MKNK2: variants seen among roughly 807,000 people sequenced by gnomAD.
MKNK2 encodes MAPK interacting serine/threonine kinase 2, also known as MAP kinase-interacting serine/threonine-protein kinase 2.
Under a neutral mutation model 55.0 loss-of-function variants are expected in MKNK2, and 54 were observed. The observed-to-expected ratio is 0.98, with a 90% CI of 0.79 to 1.23. The LOEUF is 1.23. Ranked by LOEUF, MKNK2 falls within the 50% of genes most tolerant of loss-of-function variation. The pLI, the probability that MKNK2 is intolerant of heterozygous loss-of-function variation, is 0.00. For synonymous variants in MKNK2, 323 were observed against 256.0 expected, an observed-to-expected ratio of 1.26 and a Z score of -2.50; for missense variants, 685 against 632.1, an observed-to-expected ratio of 1.08 and a Z score of -0.90.
At chr19:2,041,004 C>CA (rs1434372914) in intron 12 of MKNK2, 36 bp downstream of exon 12, 2 of 1,610,542 alleles carry the variant, frequency 1.2e-6, no homozygotes, top group South Asian at 2.2e-5. Context: ...GCAGCGCCCC[C>CA]ATACCCCTCC....
chr19:2,050,786 G>T lies in MKNK2; in HGVS notation c.51+15C>A, dbSNP rs1319640264. 6.5e-7 allele frequency: 1 copy of T among 1,534,018 alleles called. No individual in the cohort carries two copies. Among genetic ancestry groups the T allele is most frequent in the South Asian group, 1.2e-5 (1 of 82,672 alleles). ...GTCCAGCCCGGAGCGCCCCCAAACC[G>T]ACCCCGGGCCTCACCTTGAACGAAC... On this transcript the variant is annotated intron_variant, in intron 2 of 13. Transcript: ENST00000250896.
At chr19:2,046,150 A>T (rs934571720) in intron 5 of MKNK2, 36 bp downstream of exon 5, 10 of 1,588,478 alleles carry the variant, frequency 6.3e-6, no homozygotes, top group Non-Finnish European at 8.6e-6. Flanking sequence ...ACCGATCCCA[A>T]GGCGCTGGGT....
chr19:2,050,692 G>A lies in MKNK2; in HGVS notation c.51+109C>T, dbSNP rs2017096279. The A allele has an allele frequency of 8.5e-6, 9 of 1,060,306 alleles. 1 individual carries two copies. The South Asian group carries it at 1.2e-4, about 14-fold the overall frequency. 65.7% of individuals were successfully genotyped at this position (1,060,306 alleles called of 1,614,324 possible). A position where few individuals can be genotyped will look rare whatever the true frequency, so the allele number is the denominator to read the frequency against. ...GGGCAGCCCCGGGTGTAGGGCGGGG[G>A]CCAGGCACGAGCCCCGGGAGCCGAT... On this transcript the variant is annotated intron_variant, in intron 2 of 13. Coordinates refer to ENST00000250896, the MANE Select transcript of MKNK2 (RefSeq NM_199054.3).
chr19:2,038,031 A>C lies in MKNK2; in HGVS notation c.*1582T>G, dbSNP rs1053204829. 3.2e-5 allele frequency: 41 copies of C among 1,285,330 alleles called. No homozygotes were observed. Among genetic ancestry groups the C allele is most frequent in the Admixed American group, 3.3e-5 (1 of 30,176 alleles). The allele number at this position is 1,285,330 out of a possible 1,614,324, so 79.6% of individuals were successfully genotyped here. A position where few individuals can be genotyped will look rare whatever the true frequency, so the allele number is the denominator to read the frequency against. ...GGGAAAGGGGTGGGCGGAATGCCCC[A>C]CCCCCCCCAGGGGTCTTTGGAAGGG... On this transcript the variant is annotated 3_prime_UTR_variant, in exon 14 of 14. Transcript: ENST00000250896.
In MKNK2 at chr19:2,039,391, T is replaced by C; in HGVS notation, c.*222A>G. On this transcript the variant is annotated 3_prime_UTR_variant, in exon 14 of 14. Coordinates refer to ENST00000250896, the MANE Select transcript of MKNK2 (RefSeq NM_199054.3). ...CACCTTCCCGGGTGCCTGCAATGCT[T>C]TTAACCATCCAAAGGAAAAAATAAC... 7 of 1,400,246 alleles carry C rather than the reference T, an allele frequency of 5.0e-6. No homozygotes were observed. The highest frequency in any genetic ancestry group is 5.6e-6 in the Non-Finnish European group (6 of 1,079,506). 86.7% of individuals were successfully genotyped at this position (1,400,246 alleles called of 1,614,324 possible).
rs2016820535 is a variant in MKNK2 at position 2,039,261 on chromosome 19, T to A, written c.*352A>T. 1 of 1,135,070 alleles carries A rather than the reference T, an allele frequency of 8.8e-7. No individual in the cohort carries two copies. Among genetic ancestry groups the A allele is most frequent in the South Asian group, 3.3e-5 (1 of 30,366 alleles). 70.3% of individuals were successfully genotyped at this position (1,135,070 alleles called of 1,614,324 possible). ...CTCTCCTGAGTCACTGCAAGCCACG[T>A]GGGCAGATGGCGGGCAGCACAGGTG... On this transcript the variant is annotated 3_prime_UTR_variant, in exon 14 of 14. Coordinates refer to ENST00000250896, the MANE Select transcript of MKNK2 (RefSeq NM_199054.3).
rs752768443 is a variant in MKNK2 at position 2,043,215 on chromosome 19, G to T, written c.420-18C>A. ...GGACGTTCCTGGGGTGGGGGTGGGG[G>T]CAGGAGAGGAGCTGAGGCTTCCTGA... On this transcript the variant is annotated intron_variant, in intron 6 of 13. Coordinates refer to ENST00000250896, the MANE Select transcript of MKNK2 (RefSeq NM_199054.3). The T allele has an allele frequency of 4.8e-5, 68 of 1,412,380 alleles. No individual in the cohort carries two copies. The East Asian group carries it at 1.5e-3, about 32-fold the overall frequency. The allele number at this position is 1,412,380 out of a possible 1,614,324, so 87.5% of individuals were successfully genotyped here.
chr19:2,041,892 C>T lies in MKNK2; in HGVS notation c.893G>A (p.Arg298His), dbSNP rs2016892605. 2 of 1,543,484 alleles carry T rather than the reference C, an allele frequency of 1.3e-6. No individual in the cohort carries two copies. The highest frequency in any genetic ancestry group is 2.4e-5 in the South Asian group (2 of 83,712). The change falls in exon 11 of 14, where the codon CGC (arginine) becomes CAC (histidine). Residue 298 changes from arginine to histidine, a missense_variant. By Grantham distance (29) the Arg-to-His change is conservative. Transcript: ENST00000250896. ...GTCCCAGCCGCAGTCGCTGCCACAG[C>T]GGCCCACGAAGGGCGGGTAGCCGCT... Reference protein sequence around the residue: ...LLSGYPPFVGRCGSDCGWDRG... With the variant: ...LLSGYPPFVGHCGSDCGWDRG...
chr19:2,049,810 G>A (rs1018359331), intron 2 of MKNK2, among the ~76,000 whole-genome samples: 4 of 152,160 alleles, frequency 2.6e-5, no homozygotes, highest in African/African-American at 9.7e-5. Context: ...GTGGAGTGCT[G>A]CCCTGGGGCA....
rs1305310498 is a variant in MKNK2, at chr19:2,050,939, G to A, written c.-88C>T. 6.0e-5 allele frequency: 52 copies of A among 873,040 alleles called. No homozygotes were observed. Among genetic ancestry groups the A allele is most frequent in the Non-Finnish European group, 8.3e-5 (50 of 601,734 alleles). The allele number at this position is 873,040 out of a possible 1,614,324, so 54.1% of individuals were successfully genotyped here. A position where few individuals can be genotyped will look rare whatever the true frequency, so the allele number is the denominator to read the frequency against. On this transcript the variant is annotated 5_prime_UTR_variant, in exon 2 of 14. Coordinates refer to ENST00000250896, the MANE Select transcript of MKNK2 (RefSeq NM_199054.3). ...GGCGGCCGGGCGGGGGGCGGCCGAG[G>A]AGGGGACCCTGCGGGCGGGAGCAGA...
intron 2 of MKNK2, among the ~76,000 whole-genome samples, chr19:2,048,941 G>C (rs2017055524): frequency 6.6e-6 from 1 of 152,188 alleles, no homozygotes. Context: ...GTCTGACCTT[G>C]GCCTAGTGAC....
In MKNK2 at chr19:2,037,759, T is replaced by A; in HGVS notation, c.*1854A>T. 1.3e-6 allele frequency: 2 copies of A among 1,598,560 alleles called. No homozygotes were observed. The highest frequency in any genetic ancestry group is 2.3e-5 in the South Asian group (2 of 88,710). On this transcript the variant is annotated 3_prime_UTR_variant, in exon 14 of 14. Transcript: ENST00000250896. ...GATCTTCACTCATTCACAGTAACGG[T>A]TCTGACCAGTCCTCCAGGTCGCACG...
In MKNK2 at chr19:2,050,826, A is replaced by C; in HGVS notation, c.26T>G (p.Leu9Arg). 6.5e-7 allele frequency: 1 copy of C among 1,536,792 alleles called. No individual in the cohort carries two copies. Among genetic ancestry groups the C allele is most frequent in the Non-Finnish European group, 8.8e-7 (1 of 1,141,388 alleles). ...CTTGAACGAACGGTGGAAACCCTGA[A>C]GTTCGGCTGGTTTCTTCTGCACCAT... is the stretch of plus-strand genomic sequence containing the variant. MVQKKPAE[L>R]QGFHRSFKGQ... Residue 9 changes from leucine to arginine, a missense_variant, in exon 2 of 14, where the codon CTT (leucine) becomes CGT (arginine). Transcript: ENST00000250896.
At position 2,037,719 on chromosome 19, in the gene MKNK2, C is replaced by T; in HGVS notation, c.*1894G>A. 3 of 1,556,950 alleles carry T rather than the reference C, an allele frequency of 1.9e-6. No individual in the cohort carries two copies. The highest frequency in any genetic ancestry group is 2.6e-6 in the Non-Finnish European group (3 of 1,142,036). Reference sequence around the variant, plus strand: ...CCCAGCGATGGGAGCTGGCCTGGGGCCCAGGGTCCTCCAGGATCTTCACTC... The same window carrying T: ...CCCAGCGATGGGAGCTGGCCTGGGGTCCAGGGTCCTCCAGGATCTTCACTC... On this transcript the variant is annotated 3_prime_UTR_variant, in exon 14 of 14. Coordinates refer to ENST00000250896, the MANE Select transcript of MKNK2 (RefSeq NM_199054.3).
chr19:2,043,581 A>G lies in MKNK2; in HGVS notation c.341T>C (p.Ile114Thr). Reference protein sequence around the residue: ...LITSQEYAVKIIEKQPGHIRS... With the variant: ...LITSQEYAVKTIEKQPGHIRS... Reference sequence around the variant, plus strand: ...AATGTGGCCTGGCTGCTTCTCAATGATCTGAAACAGGCGAAAGGACACAGC... The same window carrying G: ...AATGTGGCCTGGCTGCTTCTCAATGGTCTGAAACAGGCGAAAGGACACAGC... The change falls in exon 6 of 14, where the codon ATC becomes ACC. Residue 114 changes from isoleucine (I) to threonine (T), a missense_variant and splice_region_variant. By Grantham distance (89) the Ile-to-Thr change is moderately conservative. Coordinates refer to ENST00000250896, the MANE Select transcript of MKNK2 (RefSeq NM_199054.3). 1 of 1,613,980 alleles carries G rather than the reference A, an allele frequency of 6.2e-7. No individual in the cohort carries two copies.
Position 2,046,622 on chromosome 19 carries a change from G to A in MKNK2, c.121C>T (p.Gln41Ter), listed in dbSNP as rs369159055. The A allele has an allele frequency of 1.6e-5, 25 of 1,569,160 alleles. No homozygotes were observed. The highest frequency in any genetic ancestry group is 2.1e-5 in the Non-Finnish European group (24 of 1,158,258). The change falls in exon 3 of 14, where the codon CAG (glutamine) becomes TAG (stop). Residue 41 changes from glutamine to a stop codon, truncating the protein, a stop_gained. Coordinates refer to ENST00000250896, the MANE Select transcript of MKNK2 (RefSeq NM_199054.3). LOFTEE classifies it high-confidence loss of function. ...PDHGDSDFGL[Q>*]CSARPDMPAS... ...CCCTCACCAGGGCGGGCTGAGCACTGCAGGCCAAAGTCAGAGTCTCCGTGG... is the reference window on the plus strand; with the variant it reads ...CCCTCACCAGGGCGGGCTGAGCACTACAGGCCAAAGTCAGAGTCTCCGTGG...
In MKNK2 at chr19:2,043,168, TC is replaced by T; in HGVS notation, c.448del (p.Glu150ArgfsTer19). On this transcript the variant is annotated frameshift_variant, in exon 7 of 14. Transcript: ENST00000250896. LOFTEE classifies it high-confidence loss of function. ...RNVLELIEFFEEEDRFYLVFE... is the reference protein window; with the variant it reads ...RNVLELIEFFXEEDRFYLVFE... ...CACCAGGTAGAAGCGGTCCTCCTCC[TC>T]GAAGAACTCAATCAGCTCTAGGACG... 1 of 1,610,920 alleles carries T rather than the reference TC, an allele frequency of 6.2e-7. No homozygotes were observed.
At chr19:2,048,636 G>A (rs2017049140) in intron 2 of MKNK2, among the ~76,000 whole-genome samples, 1 of 152,162 alleles carries the variant, frequency 6.6e-6, no homozygotes, top group Non-Finnish European at 1.5e-5. Flanking sequence ...GCAGAAGTGA[G>A]ACTCCAGTGG....
chr19:2,040,504 A>T (rs1391227428), intron 12 of MKNK2: 4 of 353,218 alleles, frequency 1.1e-5, no homozygotes, highest in Middle Eastern at 7.8e-4. Context: ...CTCTTAACCC[A>T]TGGGTCTCTG....
Sources: allele counts gnomAD v4.1 joint callset (sites outside exome capture counted in the v4.1 genomes callset), GRCh38; gene constraint gnomAD v4.1.1; transcripts MANE v1.5; gene names NCBI Gene and HGNC (gene_info 2026-07-23, HGNC 2026-07-21).